The following NXPE2 variants were observed in gnomAD, a reference collection of about 807,000 sequenced individuals.
The protein encoded by NXPE2 is neurexophilin and PC-esterase domain family member 2.
NXPE2 carries 34 observed loss-of-function variants against 34.4 expected under a neutral mutation model. The ratio of observed to expected loss-of-function variants is 0.99; its 90% CI spans 0.75 to 1.31. NXPE2 has a LOEUF of 1.31. Ranked by LOEUF, NXPE2 falls within the 40% of genes most tolerant of loss-of-function variation. The pLI is 0.00. For missense variants in NXPE2, 649 were observed against 672.5 expected, an observed-to-expected ratio of 0.97 and a Z score of 0.39; for synonymous variants, 235 against 231.3, an observed-to-expected ratio of 1.02 and a Z score of -0.15.
the NXPE2 span, among the ~76,000 whole-genome samples, chr11:114,593,733 T>A: frequency 6.6e-6 from 1 of 152,144 alleles, no homozygotes; most frequent in Non-Finnish European, 1.5e-5. Flanking sequence ...CCATGTTTAT[T>A]GCAGCACTGA....
the NXPE2 span, among the ~76,000 whole-genome samples, chr11:114,637,398 G>T: frequency 6.6e-6 from 1 of 152,018 alleles, no homozygotes. Context: ...GCACACTAAT[G>T]GGTCTTGACT....
intron 3 of NXPE2, among the ~76,000 whole-genome samples, chr11:114,701,900 C>T (rs933886384): frequency 4.6e-5 from 7 of 152,006 alleles, no homozygotes; most frequent in Admixed American, 6.6e-5. Context: ...ACTTGGGTTC[C>T]GTGGGGCTGA....
the NXPE2 span, among the ~76,000 whole-genome samples, chr11:114,466,545 T>A: frequency 1.3e-3 from 182 of 144,066 alleles, no homozygotes; most frequent in Non-Finnish European, 2.3e-3. Flanking sequence ...TAGTAAACTT[T>A]AATTTCTTGA....
the NXPE2 span, among the ~76,000 whole-genome samples, chr11:114,538,625 G>T: frequency 1.3e-5 from 2 of 152,186 alleles, no homozygotes; most frequent in Non-Finnish European, 2.9e-5. Flanking sequence ...CGAAGGATAT[G>T]AACAGACACT....
the NXPE2 span, among the ~76,000 whole-genome samples, chr11:114,762,332 G>T: frequency 6.6e-6 from 1 of 152,122 alleles, no homozygotes; most frequent in African/African-American, 2.4e-5. Context: ...AGAACATGTT[G>T]TGTCTTTCAC....
chr11:114,616,895 T>C, the NXPE2 span, among the ~76,000 whole-genome samples: 2 of 151,950 alleles, frequency 1.3e-5, no homozygotes, highest in African/African-American at 4.8e-5. Flanking sequence ...ATACTAGGTA[T>C]TGTCTCGTGG....
chr11:114,518,265 C>G, the NXPE2 span: 5 of 152,162 alleles, frequency 3.3e-5, no homozygotes, highest in African/African-American at 1.2e-4. Context: ...CTGAGAGGTA[C>G]AGAAAACTTT....
At chr11:114,777,577 A>C in the NXPE2 span, among the ~76,000 whole-genome samples, 1 of 152,136 alleles carries the variant, frequency 6.6e-6, no homozygotes, top group South Asian at 2.1e-4. Flanking sequence ...AGGCATTTCC[A>C]TGAGTTGGAG....
At chr11:114,658,782 G>C in the NXPE2 span, among the ~76,000 whole-genome samples, 33 of 152,234 alleles carry the variant, frequency 2.2e-4, no homozygotes, top group African/African-American at 6.7e-4. Context: ...CACTGAGAAG[G>C]CCTTTCCCTA....
At chr11:114,789,773 G>A in the NXPE2 span, among the ~76,000 whole-genome samples, 4 of 152,224 alleles carry the variant, frequency 2.6e-5, no homozygotes, top group South Asian at 4.1e-4. Context: ...TGACACACTC[G>A]CTCCACTTAT....
the NXPE2 span, among the ~76,000 whole-genome samples, chr11:114,563,544 G>A: frequency 6.6e-6 from 1 of 152,108 alleles, no homozygotes. Context: ...AACCCACAGA[G>A]TGGGAGAAAA....
At chr11:114,469,132 T>TTTTTTTTA in the NXPE2 span, among the ~76,000 whole-genome samples, 1 of 130,882 alleles carries the variant, frequency 7.6e-6, no homozygotes, top group East Asian at 2.0e-4. Flanking sequence ...TTTTTTTTTT[T>TTTTTTTTA]GAGCTGGAGT....
At chr11:114,470,625 A>G in the NXPE2 span, among the ~76,000 whole-genome samples, 26 of 120,002 alleles carry the variant, frequency 2.2e-4, no homozygotes, top group East Asian at 9.2e-4. Context: ...GTGTGTGTGT[A>G]TACAGAGAGG....
At chr11:114,681,057 C>T (rs563201888) in intron 2 of NXPE2, among the ~76,000 whole-genome samples, 99 of 152,272 alleles carry the variant, frequency 6.5e-4, no homozygotes, top group African/African-American at 2.3e-3. Flanking sequence ...CTAAAACTCC[C>T]TCCACAAGCT....
chr11:114,490,744 A>C, the NXPE2 span, among the ~76,000 whole-genome samples: 4 of 152,262 alleles, frequency 2.6e-5, no homozygotes, highest in African/African-American at 9.6e-5. Flanking sequence ...AAAACCATAA[A>C]AACCCTAGAA....
At chr11:114,742,619 G>A in the NXPE2 span, among the ~76,000 whole-genome samples, 2 of 18,182 alleles carry the variant, frequency 1.1e-4, no homozygotes, top group Admixed American at 1.0e-3. Context: ...TTTATTCTTG[G>A]ATTTTTTTTT....
At chr11:114,773,279 A>ACCCCCCCCCCCCC in the NXPE2 span, among the ~76,000 whole-genome samples, 8 of 69,360 alleles carry the variant, frequency 1.2e-4, no homozygotes, top group Non-Finnish European at 1.7e-4. Flanking sequence ...ACCCACTCCC[A>ACCCCCCCCCCCCC]CCCCCCCCCC....
In NXPE2 at chr11:114,698,573, G is replaced by T. The variant is rs556579661; in HGVS notation, c.661G>T (p.Ala221Ser). The T allele has an allele frequency of 2.1e-4, 346 of 1,614,160 alleles. No homozygotes were observed. The highest frequency in any genetic ancestry group is 2.8e-4 in the Non-Finnish European group (329 of 1,180,010). Residue 221 changes from alanine (A) to serine (S), a missense_variant, in exon 3 of 6, where the codon GCC becomes TCC. Transcript: ENST00000389586. ...CDRIIFTGLFANRSSNVFTEC... is the reference protein window; with the variant it reads ...CDRIIFTGLFSNRSSNVFTEC... Reference sequence around the variant, plus strand: ...TAGGATCATCTTCACTGGCCTGTTTGCCAACAGAAGCTCCAATGTCTTCAC... The same window carrying T: ...TAGGATCATCTTCACTGGCCTGTTTTCCAACAGAAGCTCCAATGTCTTCAC...
At chr11:114,588,821 C>T in the NXPE2 span, among the ~76,000 whole-genome samples, 26 of 152,134 alleles carry the variant, frequency 1.7e-4, no homozygotes, top group African/African-American at 4.8e-4. Flanking sequence ...ACCTTCTTGT[C>T]CCCTGATTCA....
Sources: gnomAD v4.1 joint callset for allele counts (sites outside exome capture counted in the v4.1 genomes callset) on GRCh38, gnomAD v4.1.1 for gene constraint, MANE v1.5 for transcripts, NCBI Gene and HGNC (gene_info 2026-07-23, HGNC 2026-07-21) for gene names.